Variants in HAUS6 observed in about 807,000 individuals in gnomAD.
HAUS6 encodes the protein HAUS augmin like complex subunit 6.
HAUS6 carries 80 observed loss-of-function variants against 106.8 expected under a neutral mutation model. The ratio of observed to expected loss-of-function variants is 0.75; its 90% confidence interval spans 0.63 to 0.90. The LOEUF (loss-of-function observed/expected upper bound fraction) is 0.90, where lower values mean the gene tolerates loss of function less well. Among genes scored for constraint, HAUS6 ranks in the 40% least tolerant of loss-of-function variants. HAUS6 has a pLI of 0.00. For missense variants in HAUS6, 1,155 were observed against 1,118.1 expected (o/e 1.03, Z -0.47); for synonymous variants, 356 against 379.1 (o/e 0.94, Z 0.71).
chr9:19,086,827 T>C (rs1564017849), intron 6 of HAUS6, 45 bp from the exon 7 acceptor site: 3 of 820,228 alleles, frequency 3.7e-6, no homozygotes, highest in East Asian at 5.2e-5. Context: ...AAAAATCACA[T>C]GGTAATTTAA....
At chr9:19,100,787 G>C (rs1588632971) in intron 1 of HAUS6, among the ~76,000 whole-genome samples, 1 of 152,320 alleles carries the variant, frequency 6.6e-6, no homozygotes, top group East Asian at 1.9e-4. Context: ...GTCATCTGCA[G>C]CAACATGGAT....
At chr9:19,079,864 G>C (rs1321713370) in intron 9 of HAUS6, among the ~76,000 whole-genome samples, 1 of 145,916 alleles carries the variant, frequency 6.9e-6, no homozygotes, top group Non-Finnish European at 1.5e-5. Flanking sequence ...CTGGGCAACA[G>C]AGCAAGACTC....
At chr9:19,101,754 T>C (rs1402541233) in intron 1 of HAUS6, among the ~76,000 whole-genome samples, 3 of 152,146 alleles carry the variant, frequency 2.0e-5, no homozygotes, top group Non-Finnish European at 4.4e-5. Context: ...ACCCCGTCTC[T>C]ACTAAAGATA....
chr9:19,059,092 C>T (rs1836547891), intron 15 of HAUS6, 91 bp from the exon 16 acceptor site: 1 of 707,650 alleles, frequency 1.4e-6, no homozygotes, highest in Non-Finnish European at 2.4e-6. Context: ...GAAGATAAAG[C>T]TCCTGACTCA....
chr9:19,102,685 A>G lies in HAUS6; in HGVS notation c.-34T>C. On this transcript the variant is annotated 5_prime_UTR_variant, in exon 1 of 17. Coordinates refer to ENST00000380502, the MANE Select transcript of HAUS6 (RefSeq NM_017645.5). ...TAGGCACGGTGGCTGCAAAGAAAGA[A>G]AGCGCAAGCCCAGGGGACTCGGAGG... is the stretch of plus-strand genomic sequence containing the variant. 1.9e-6 allele frequency: 3 copies of G among 1,601,956 alleles called. No homozygotes were observed. The highest frequency in any genetic ancestry group is 1.7e-6 in the Non-Finnish European group (2 of 1,173,692).
chr9:19,057,301 G>A (rs1488179698), intron 16 of HAUS6: 3 of 152,198 alleles, frequency 2.0e-5, no homozygotes, highest in East Asian at 3.9e-4. Context: ...ACACACAAGG[G>A]AAGAATACCA....
chr9:19,069,415 G>A (rs553976851), intron 12 of HAUS6, among the ~76,000 whole-genome samples: 8 of 152,304 alleles, frequency 5.3e-5, no homozygotes, highest in African/African-American at 1.9e-4. Context: ...TTGGCCGGGT[G>A]CGGTGGCTCA....
At chr9:19,089,669 C>A (rs1340784100) in intron 4 of HAUS6, 110 bp from the exon 5 acceptor site, 3 of 659,092 alleles carry the variant, frequency 4.6e-6, no homozygotes, top group African/African-American at 1.9e-5. Context: ...TCTCCCACTG[C>A]TAAATCTGAT....
Position 19,102,729 on chromosome 9 carries a change from T to G in HAUS6, c.-78A>C. On this transcript the variant is annotated 5_prime_UTR_variant, in exon 1 of 17. Transcript: ENST00000380502. ...TCGGAGGGCCCTCAAGATCCCTCCC[T>G]ACGGTCAGCCTGAGGTCGCGGTGGT... 3 of 1,445,006 alleles carry G rather than the reference T, an allele frequency of 2.1e-6. No homozygotes were observed. Among genetic ancestry groups the G allele is most frequent in the African/African-American group, 1.4e-5 (1 of 70,542 alleles). 89.5% of individuals were successfully genotyped at this position (1,445,006 alleles called of 1,614,324 possible). A position where few individuals can be genotyped will look rare whatever the true frequency, so the allele number is the denominator to read the frequency against.
intron 9 of HAUS6, 110 bp downstream of exon 9, chr9:19,080,369 A>C (rs2131132158): frequency 1.5e-6 from 1 of 686,236 alleles, no homozygotes; most frequent in South Asian, 1.7e-5. Context: ...TGAGTATTAG[A>C]ATTCTCATAC....
intron 11 of HAUS6, among the ~76,000 whole-genome samples, chr9:19,074,426 C>A (rs1417829206): frequency 6.6e-6 from 1 of 152,054 alleles, no homozygotes; most frequent in Non-Finnish European, 1.5e-5. Flanking sequence ...CACACACCAC[C>A]AGGCCTGGCT....
intron 16 of HAUS6, chr9:19,057,053 G>A (rs1223083217): frequency 2.6e-5 from 4 of 152,148 alleles, no homozygotes; most frequent in African/African-American, 7.2e-5. Context: ...CAAAAGTGAA[G>A]AGAACTGTGA....
chr9:19,058,781 G>C lies in HAUS6; in HGVS notation c.1986C>G (p.Cys662Trp). The part of the protein sequence containing the change: ...HLTEEKVISD[C>W]ECVPQKHVLT... ...GCACATGTTTCTGAGGCACACACTC[G>C]CAATCTGAAATAACTTTCTCTTCAG... is the stretch of plus-strand genomic sequence containing the variant. Residue 662 changes from cysteine (C) to tryptophan (W), a missense_variant, in exon 16 of 17, where the codon TGC becomes TGG. Coordinates refer to ENST00000380502, the MANE Select transcript of HAUS6 (RefSeq NM_017645.5). 6.2e-7 allele frequency: 1 copy of C among 1,614,128 alleles called. No homozygotes were observed. Among genetic ancestry groups the C allele is most frequent in the Non-Finnish European group, 8.5e-7 (1 of 1,179,996 alleles).
intron 9 of HAUS6, among the ~76,000 whole-genome samples, chr9:19,080,091 T>C (rs1370539531): frequency 1.4e-5 from 2 of 145,952 alleles, no homozygotes; most frequent in African/African-American, 5.2e-5. Flanking sequence ...GGAGAATCAC[T>C]TGAACTCAGG....
chr9:19,098,339 G>A lies in HAUS6; in HGVS notation c.129-1570C>T, dbSNP rs1422818265. Among the ~76,000 whole-genome samples, 7 of 151,426 alleles carry A rather than the reference G, an allele frequency of 4.6e-5. No individual in the cohort carries two copies. In the East Asian group the frequency reaches 1.4e-3, roughly 29 times the overall value. On this transcript the variant is annotated intron_variant, in intron 1 of 16. Coordinates refer to ENST00000380502, the MANE Select transcript of HAUS6 (RefSeq NM_017645.5). ...TGTAATCCCAGCTACTCAGGAGGCT[G>A]AGGCAGGAGAATCGCTTGAACCCAG...
At chr9:19,075,466 A>C (rs1453646251) in intron 11 of HAUS6, among the ~76,000 whole-genome samples, 1 of 152,254 alleles carries the variant, frequency 6.6e-6, no homozygotes, top group Non-Finnish European at 1.5e-5. Flanking sequence ...AAAATACTGC[A>C]CATGTGGTGC....
chr9:19,062,548 T>C (rs1836649002), intron 14 of HAUS6, among the ~76,000 whole-genome samples: 1 of 152,238 alleles, frequency 6.6e-6, no homozygotes, highest in Non-Finnish European at 1.5e-5. Context: ...AAGACCAATT[T>C]TGCTTTAACC....
chr9:19,077,658 C>T, intron 10 of HAUS6, among the ~76,000 whole-genome samples: 1 of 151,964 alleles, frequency 6.6e-6, no homozygotes, highest in East Asian at 1.9e-4. Context: ...TTACAGAAAC[C>T]ATAACATAGA....
At chr9:19,093,367 A>G in intron 3 of HAUS6, 64 bp from the exon 4 acceptor site, 1 of 1,380,416 alleles carries the variant, frequency 7.2e-7, no homozygotes, top group Non-Finnish European at 1.0e-6. Context: ...CATTTACATC[A>G]CACTATTTTT....
Sources: gnomAD v4.1 joint callset for allele counts (sites outside exome capture counted in the v4.1 genomes callset) on GRCh38, gnomAD v4.1.1 for gene constraint, MANE v1.5 for transcripts, NCBI Gene and HGNC (gene_info 2026-07-23, HGNC 2026-07-21) for gene names.